Variants in HMGXB3 observed in about 807,000 individuals in gnomAD.
HMGXB3 encodes HMG-box containing 3.
In HMGXB3, 45 loss-of-function variants were observed where a neutral mutation model predicts 121.5. The observed-to-expected ratio is 0.37, with a 90% CI of 0.29 to 0.47. The LOEUF (loss-of-function observed/expected upper bound fraction) is 0.47. Ranked by LOEUF, HMGXB3 falls within the 20% of genes least tolerant of loss-of-function variation. HMGXB3 has a pLI of 0.99. For synonymous variants in HMGXB3, 590 were observed against 624.1 expected (o/e 0.95, Z 0.81); for missense variants, 1,376 against 1,602.2 (o/e 0.86, Z 2.41).
chr5:150,014,553 C>T (rs1392253627), intron 5 of HMGXB3, among the ~76,000 whole-genome samples: 1 of 152,196 alleles, frequency 6.6e-6, no homozygotes, highest in Non-Finnish European at 1.5e-5. Flanking sequence ...CTGCCCCCAG[C>T]TACATCTAAA....
chr5:150,015,363 A>G (rs1390746658), intron 5 of HMGXB3, among the ~76,000 whole-genome samples: 1 of 152,158 alleles, frequency 6.6e-6, no homozygotes, highest in Non-Finnish European at 1.5e-5. Flanking sequence ...ATCATGGCTC[A>G]CTGCATCCTT....
intron 16 of HMGXB3, 105 bp downstream of exon 16, chr5:150,045,790 C>T (rs1029670524): frequency 3.7e-5 from 29 of 788,972 alleles, no homozygotes; most frequent in Admixed American, 2.4e-4. Context: ...GGCCAGGCCC[C>T]GCTGCAGGAC....
At chr5:150,009,902 C>T (rs1864998) in intron 3 of HMGXB3, among the ~76,000 whole-genome samples, 83,295 of 151,984 alleles carry the variant, frequency 0.55, 25,671 homozygotes, top group Non-Finnish European at 0.7. Context: ...GAATAAGCTA[C>T]ATTGGCTAAA....
chr5:150,046,291 C>T (rs548576975), intron 16 of HMGXB3, among the ~76,000 whole-genome samples: 13 of 152,282 alleles, frequency 8.5e-5, no homozygotes, highest in African/African-American at 2.4e-4. Flanking sequence ...GAGTGATAGC[C>T]GCCTTTTTTA....
At chr5:150,027,801 C>T (rs938906816) in intron 9 of HMGXB3, among the ~76,000 whole-genome samples, 6 of 152,140 alleles carry the variant, frequency 3.9e-5, no homozygotes, top group Admixed American at 2.0e-4. Context: ...GATCCACCCA[C>T]CTCGGCCTCC....
chr5:150,010,677 A>G lies in HMGXB3; in HGVS notation c.810+69A>G, dbSNP rs975720559. 4.2e-6 allele frequency: 6 copies of G among 1,418,630 alleles called. No individual in the cohort carries two copies. In the African/African-American group the frequency reaches 4.3e-5, roughly 10 times the overall value. The allele number at this position is 1,418,630 out of a possible 1,614,324, so 87.9% of individuals were successfully genotyped here. ...ACTTAAAGGGCAGCTAGCACCATACAGTGTGATTCCAGAGCAGTGGTAATC... is the reference window on the plus strand; with the variant it reads ...ACTTAAAGGGCAGCTAGCACCATACGGTGTGATTCCAGAGCAGTGGTAATC... On this transcript the variant is annotated intron_variant, in intron 4 of 19. Transcript: ENST00000502717.
intron 4 of HMGXB3, 63 bp downstream of exon 4, chr5:150,010,671 C>T: frequency 7.6e-6 from 11 of 1,442,468 alleles, no homozygotes; most frequent in African/African-American, 1.4e-5. Flanking sequence ...GCAGCTAGCA[C>T]CATACAGTGT....
intron 5 of HMGXB3, 104 bp downstream of exon 5, chr5:150,012,457 CAAG>C (rs1755862624): frequency 3.9e-6 from 3 of 775,840 alleles, no homozygotes; most frequent in Non-Finnish European, 6.6e-6. Flanking sequence ...GTTGTAGGAC[CAAG>C]AAGATTTCTA....
In HMGXB3 at chr5:150,052,029, C is replaced by G. The variant is rs779851438; in HGVS notation, c.3716C>G (p.Thr1239Ser). 5.8e-6 allele frequency: 9 copies of G among 1,552,100 alleles called. No homozygotes were observed. The highest frequency in any genetic ancestry group is 7.8e-6 in the Non-Finnish European group (9 of 1,147,076). ...YLYNRLMDFL[T>S]SREIVNRQIH... The stretch of plus-strand genomic sequence containing the variant: ...TACAACCGCCTCATGGACTTCCTCA[C>G]CAGCCGCGAAATTGTCAATCGTCAG... The change falls in exon 20 of 20, where the codon ACC (threonine) becomes AGC (serine). Residue 1239 changes from threonine (T) to serine (S), a missense_variant. Physicochemically the swap from Thr to Ser is moderately conservative, Grantham distance 58 (BLOSUM62 1). Coordinates refer to ENST00000502717, the MANE Select transcript of HMGXB3 (RefSeq NM_014983.3).
At chr5:150,010,872 A>G (rs1489002422) in intron 4 of HMGXB3, among the ~76,000 whole-genome samples, 1 of 152,262 alleles carries the variant, frequency 6.6e-6, no homozygotes, top group Non-Finnish European at 1.5e-5. Context: ...TTAGCAAGAA[A>G]GCTGCAAATT....
chr5:150,039,771 A>G (rs1028800005), intron 13 of HMGXB3, among the ~76,000 whole-genome samples: 15 of 151,998 alleles, frequency 9.9e-5, no homozygotes, highest in African/African-American at 3.6e-4. Flanking sequence ...TTTGCTTTTT[A>G]AAAAATATTT....
chr5:150,003,584 T>A (rs1755626849), intron 1 of HMGXB3, among the ~76,000 whole-genome samples: 1 of 151,604 alleles, frequency 6.6e-6, no homozygotes, highest in Admixed American at 6.6e-5. Context: ...ATCTCTATTA[T>A]TATTTTTTAA....
rs759388889 is a variant in HMGXB3, at chr5:150,052,080, A to G, written c.3767A>G (p.Gln1256Arg). ...RQIHDIVQSC[Q>R]PGEVVIRDTL... The stretch of plus-strand genomic sequence containing the variant: ...ATCCATGACATTGTACAGAGCTGCC[A>G]GCCTGGTGAGGTGGTCATTCGTGAC... The change falls in exon 20 of 20, where the codon CAG becomes CGG. Residue 1256 changes from glutamine (Q) to arginine (R), a missense_variant. Gln to Arg is a conservative substitution (Grantham distance 43, BLOSUM62 1). Around this residue, in one of 2 missense-constraint regions of HMGXB3, gnomAD observed 260 missense variants for 233.2 expected, o/e 1.11. Transcript: ENST00000502717. 6 of 1,551,900 alleles carry G rather than the reference A, an allele frequency of 3.9e-6. No homozygotes were observed. The South Asian group carries it at 7.1e-5, about 18-fold the overall frequency.
In HMGXB3 at chr5:150,007,980, C is replaced by A. The variant is rs117929221; in HGVS notation, c.312+1333C>A. ...GCTGATGTGGGAGGATCACTTGAGC[C>A]GGGGAAGTGGAGGTTGCAGTGAGCC... On this transcript the variant is annotated intron_variant, in intron 3 of 19. Transcript: ENST00000502717. 6.5e-3 allele frequency among the ~76,000 whole-genome samples: 975 copies of A among 151,142 alleles called. 33 individuals carry two copies. The highest frequency in any genetic ancestry group is 0.04 in the Admixed American group (600 of 15,178).
rs371022427 is a variant in HMGXB3, at chr5:150,013,848, A to G, written c.909+1495A>G. Among the ~76,000 whole-genome samples the G allele has an allele frequency of 2.0e-5, 3 of 152,250 alleles. No homozygotes were observed. In the East Asian group the frequency reaches 5.8e-4, roughly 29 times the overall value. The stretch of plus-strand genomic sequence containing the variant: ...ATAAACAATGTACTTATCTACAAAG[A>G]TAATTTGAACTGTTGTTTCCCTATT... On this transcript the variant is annotated intron_variant, in intron 5 of 19. Coordinates refer to ENST00000502717, the MANE Select transcript of HMGXB3 (RefSeq NM_014983.3).
At chr5:150,035,343 C>T (rs960241473) in intron 11 of HMGXB3, among the ~76,000 whole-genome samples, 6 of 152,084 alleles carry the variant, frequency 3.9e-5, no homozygotes, top group African/African-American at 9.7e-5. Flanking sequence ...AAAAAGGAAG[C>T]GAAACTCATT....
intron 10 of HMGXB3, among the ~76,000 whole-genome samples, chr5:150,032,213 G>A (rs902465176): frequency 2.6e-5 from 4 of 152,180 alleles, no homozygotes; most frequent in Admixed American, 1.3e-4. Context: ...ACCATTGAGA[G>A]TCAACTCTCC....
intron 13 of HMGXB3, among the ~76,000 whole-genome samples, chr5:150,039,214 A>C (rs1355282248): frequency 1.3e-5 from 2 of 152,202 alleles, no homozygotes; most frequent in African/African-American, 2.4e-5. Context: ...ATTGTGTTCA[A>C]TCTGTACACA....
rs1755665732 is a variant in HMGXB3 at position 150,005,110 on chromosome 5, A to C, written c.137+121A>C. 3 of 1,313,090 alleles carry C rather than the reference A, an allele frequency of 2.3e-6. No individual in the cohort carries two copies. The South Asian group carries it at 4.9e-5, about 21-fold the overall frequency. The allele number at this position is 1,313,090 out of a possible 1,614,324, so 81.3% of individuals were successfully genotyped here. ...GTGTTATGATTGAAGTCCTGTGTCG[A>C]GGGATGAGGAGTGGGAAGTGGAGGG... On this transcript the variant is annotated intron_variant, in intron 2 of 19. Transcript: ENST00000502717.
Sources: allele counts gnomAD v4.1 joint callset (sites outside exome capture counted in the v4.1 genomes callset), GRCh38; gene constraint gnomAD v4.1.1; regional missense constraint gnomAD v4.1.1; transcripts MANE v1.5; gene names NCBI Gene and HGNC (gene_info 2026-07-23, HGNC 2026-07-21).